Variants in TMEM131L observed in about 807,000 individuals in gnomAD.
TMEM131L encodes transmembrane 131 like.
Under a neutral mutation model 192.2 loss-of-function variants are expected in TMEM131L, and 54 were observed. That is an observed-to-expected ratio of 0.28 (90% CI 0.23 to 0.35). The LOEUF is 0.35. Among genes scored for constraint, TMEM131L ranks in the 10% least tolerant of loss-of-function variants. TMEM131L has a pLI of 1.00. For synonymous variants in TMEM131L, 701 were observed against 704.9 expected (o/e 0.99, Z 0.09); for missense variants, 1,888 against 1,972.9 (o/e 0.96, Z 0.82).
chr4:153,524,952 G>T (rs1184084447), intron 3 of TMEM131L, among the ~76,000 whole-genome samples: 3 of 152,156 alleles, frequency 2.0e-5, no homozygotes, highest in African/African-American at 7.2e-5. Flanking sequence ...TCATGTTGTG[G>T]GTTCTAGGAA....
At chr4:153,613,585 G>A (rs1445053459) in intron 26 of TMEM131L, among the ~76,000 whole-genome samples, 1 of 152,084 alleles carries the variant, frequency 6.6e-6, no homozygotes, top group Non-Finnish European at 1.5e-5. Flanking sequence ...AAACTTGACA[G>A]TTCCCTTGGT....
At chr4:153,536,766 T>C (rs948079821) in intron 3 of TMEM131L, among the ~76,000 whole-genome samples, 7 of 137,678 alleles carry the variant, frequency 5.1e-5, no homozygotes, top group Non-Finnish European at 1.5e-5. Flanking sequence ...TAAAGGGGAG[T>C]TTATTACAAA....
rs578012893 is a variant in TMEM131L, at chr4:153,519,511, A to G, written c.240-30562A>G. On this transcript the variant is annotated intron_variant, in intron 3 of 34. Coordinates refer to ENST00000409959, the MANE Select transcript of TMEM131L (RefSeq NM_001131007.2). ...GGATGGAGATGCTTTGAGCTGCTAC[A>G]GTAGTTTGCACATTCTTACCTGTCT... Among the ~76,000 whole-genome samples, 27 of 152,344 alleles carry G rather than the reference A, an allele frequency of 1.8e-4. No homozygotes were observed. The East Asian group carries it at 4.2e-3, about 24-fold the overall frequency.
intron 3 of TMEM131L, among the ~76,000 whole-genome samples, chr4:153,486,840 C>G (rs1216587296): frequency 6.6e-6 from 1 of 152,244 alleles, no homozygotes; most frequent in Non-Finnish European, 1.5e-5. Flanking sequence ...TCATAGGGAG[C>G]ACAACCCGGC....
chr4:153,623,519 T>C (rs1733604091), intron 29 of TMEM131L, among the ~76,000 whole-genome samples: 1 of 152,208 alleles, frequency 6.6e-6, no homozygotes, highest in Admixed American at 6.5e-5. Flanking sequence ...GCTCCCTCCC[T>C]GTAACCCCTG....
intron 25 of TMEM131L, among the ~76,000 whole-genome samples, chr4:153,610,344 A>G (rs1280261384): frequency 2.0e-5 from 3 of 152,224 alleles, no homozygotes; most frequent in Non-Finnish European, 2.9e-5. Flanking sequence ...GACTTTGGCC[A>G]TTGTATTTCC....
intron 3 of TMEM131L, among the ~76,000 whole-genome samples, chr4:153,511,016 C>T (rs896030344): frequency 2.0e-5 from 3 of 152,184 alleles, no homozygotes; most frequent in African/African-American, 7.2e-5. Context: ...CCAAGGAATG[C>T]TTATACACGG....
Position 153,580,813 on chromosome 4 carries a change from TTTC to T in TMEM131L, c.661-7_661-5del, listed in dbSNP as rs771024360. The T allele has an allele frequency of 2.2e-5, 34 of 1,580,718 alleles. No individual in the cohort carries two copies. The South Asian group carries it at 2.7e-4, about 12-fold the overall frequency. ...TTACTTAAAGTTCTTTTCCTCCTTT[TTTC>T]TTCTTTTAGGCAGAAACCACTAATA... On this transcript the variant is annotated splice_polypyrimidine_tract_variant and intron_variant, in intron 7 of 34. Coordinates refer to ENST00000409959, the MANE Select transcript of TMEM131L (RefSeq NM_001131007.2).
intron 3 of TMEM131L, among the ~76,000 whole-genome samples, chr4:153,540,835 C>T (rs1736721238): frequency 6.6e-6 from 1 of 152,130 alleles, no homozygotes; most frequent in African/African-American, 2.4e-5. Context: ...ATTGTCCACC[C>T]ATGATCAAAG....
chr4:153,623,365 C>T (rs986164445), intron 29 of TMEM131L, among the ~76,000 whole-genome samples: 12 of 152,146 alleles, frequency 7.9e-5, no homozygotes, highest in African/African-American at 2.9e-4. Context: ...TTAATGACAC[C>T]GCATTTGCCA....
chr4:153,571,392 G>A (rs1341635040), intron 7 of TMEM131L, among the ~76,000 whole-genome samples: 1 of 152,146 alleles, frequency 6.6e-6, no homozygotes, highest in Non-Finnish European at 1.5e-5. Flanking sequence ...AATGCACTGA[G>A]CATTCCACAC....
intron 3 of TMEM131L, among the ~76,000 whole-genome samples, chr4:153,543,725 A>T (rs969511501): frequency 6.6e-6 from 1 of 152,214 alleles, no homozygotes; most frequent in Non-Finnish European, 1.5e-5. Flanking sequence ...TCCTGCTCAG[A>T]GGAAGATGGT....
intron 25 of TMEM131L, among the ~76,000 whole-genome samples, chr4:153,605,850 A>G (rs999269865): frequency 6.6e-6 from 1 of 152,242 alleles, no homozygotes; most frequent in African/African-American, 2.4e-5. Flanking sequence ...AATGTTCTGT[A>G]TAAGGACATT....
intron 25 of TMEM131L, among the ~76,000 whole-genome samples, chr4:153,609,271 G>A (rs1732451618): frequency 6.6e-6 from 1 of 152,176 alleles, no homozygotes; most frequent in Non-Finnish European, 1.5e-5. Context: ...CTTGCATGGT[G>A]GGAGCAGGAG....
Position 153,583,739 on chromosome 4 carries a change from T to C in TMEM131L, c.1060+67T>C, listed in dbSNP as rs191473652. ...TGGTTGTCATGATGGCAACTCTTTC[T>C]ACAACTACAGATTAGGCATGGTTTC... On this transcript the variant is annotated intron_variant, in intron 11 of 34. Coordinates refer to ENST00000409959, the MANE Select transcript of TMEM131L (RefSeq NM_001131007.2). 2.2e-4 allele frequency: 196 copies of C among 895,932 alleles called. 1 individual carries two copies. The East Asian group carries it at 4.6e-3, about 21-fold the overall frequency. 55.5% of individuals were successfully genotyped at this position (895,932 alleles called of 1,614,324 possible).
chr4:153,595,714 C>CAA (rs554812612), intron 19 of TMEM131L, among the ~76,000 whole-genome samples: 3,157 of 79,842 alleles, frequency 0.04, 110 homozygotes, highest in Admixed American at 0.15. Context: ...AGTTTTATGC[C>CAA]AAAAAAAAAA....
At chr4:153,585,298 G>A (rs1730624585) in intron 12 of TMEM131L, among the ~76,000 whole-genome samples, 160 bp from the exon 13 acceptor site, 1 of 152,214 alleles carries the variant, frequency 6.6e-6, no homozygotes, top group South Asian at 2.1e-4. Flanking sequence ...CCCTATGTGA[G>A]CCAGAAGGTT....
chr4:153,522,504 G>T (rs1051483376), intron 3 of TMEM131L, among the ~76,000 whole-genome samples: 1 of 152,116 alleles, frequency 6.6e-6, no homozygotes, highest in African/African-American at 2.4e-5. Flanking sequence ...GGTCTGTGTG[G>T]CTCTTCCAGG....
intron 13 of TMEM131L, 56 bp downstream of exon 13, chr4:153,585,667 C>T (rs541032392): frequency 8.4e-7 from 1 of 1,195,694 alleles, no homozygotes; most frequent in East Asian, 2.7e-5. Context: ...TGTTTAAGGT[C>T]AGATGCTGTG....
Sources: gnomAD v4.1 joint callset for allele counts (sites outside exome capture counted in the v4.1 genomes callset) on GRCh38, gnomAD v4.1.1 for gene constraint, MANE v1.5 for transcripts, NCBI Gene and HGNC (gene_info 2026-07-23, HGNC 2026-07-21) for gene names.